NCS1: variants seen among roughly 807,000 people sequenced by gnomAD.
NCS1 encodes frequenin homolog.
A neutral mutation model predicts 28.4 loss-of-function variants in NCS1; 6 were observed. The ratio of observed to expected loss-of-function variants is 0.21; its 90% confidence interval spans 0.12 to 0.42. NCS1 has a LOEUF of 0.42. Ranked by LOEUF, NCS1 falls within the 10% of genes least tolerant of loss-of-function variation. NCS1 has a pLI of 1.00. For synonymous variants in NCS1, 86 were observed against 99.3 expected (o/e 0.87, Z 0.79); for missense variants, 131 against 241.4 (o/e 0.54, Z 3.03).
intron 1 of NCS1, among the ~76,000 whole-genome samples, chr9:130,193,630 T>G (rs1588113204): frequency 2.1e-5 from 3 of 144,658 alleles, no homozygotes; most frequent in East Asian, 2.1e-4. Flanking sequence ...TGGACGGGGG[T>G]GGGGGAGCTG....
chr9:130,197,999 C>T (rs1051685885), intron 1 of NCS1, among the ~76,000 whole-genome samples: 6 of 151,740 alleles, frequency 4.0e-5, no homozygotes, highest in South Asian at 2.1e-4. Context: ...CTCCAAGGCC[C>T]CAGGCAGTGA....
rs1316779239 is a variant in NCS1, at chr9:130,186,982, C to T, written c.65-13976C>T. The stretch of plus-strand genomic sequence containing the variant: ...GAAGTCCCTTGGCCTCTCCAAGCTT[C>T]GGTTTCCTGGTTGTGGAGTGGGGTT... On this transcript the variant is annotated intron_variant, in intron 1 of 7. Coordinates refer to ENST00000372398, the MANE Select transcript of NCS1 (RefSeq NM_014286.4). This position sits in a 1 kb window ranked among gnomAD's most constrained non-coding sequence, Gnocchi z 4.1. Among the ~76,000 whole-genome samples the T allele has an allele frequency of 6.6e-6, 1 of 152,200 alleles. No homozygotes were observed. The highest frequency in any genetic ancestry group is 2.4e-5 in the African/African-American group (1 of 41,448).
At position 130,203,046 on chromosome 9, in the gene NCS1, A is replaced by ATGTGTGTGTGTGTG. The variant is rs113946626; in HGVS notation, c.89+2086_89+2099dup. Among the ~76,000 whole-genome samples, 243 of 142,706 alleles carry ATGTGTGTGTGTGTG rather than the reference A, an allele frequency of 1.7e-3. 1 individual carries two copies. Among genetic ancestry groups the ATGTGTGTGTGTGTG allele is most frequent in the African/African-American group, 5.9e-3 (223 of 37,578 alleles). The allele number at this position is 142,706 out of a possible 152,430, so 93.6% of individuals were successfully genotyped here. On this transcript the variant is annotated intron_variant, in intron 2 of 7. Transcript: ENST00000372398. ...CTGAGCTCTTGCCTCCAGGGTAAAT[A>ATGTGTGTGTGTGTG]TGTGTGTGTGTGTGTGTGTGTGTGT...
chr9:130,222,094 G>A (rs1260252116), intron 4 of NCS1, among the ~76,000 whole-genome samples: 2 of 64,726 alleles, frequency 3.1e-5, no homozygotes, highest in African/African-American at 5.4e-5. Flanking sequence ...ATATATATGT[G>A]TGTGTGTATA....
chr9:130,205,731 G>A (rs576598961), intron 2 of NCS1, among the ~76,000 whole-genome samples: 55 of 151,640 alleles, frequency 3.6e-4, no homozygotes, highest in Non-Finnish European at 7.7e-4. Context: ...CCAGCTACTT[G>A]GCTGAGATGG....
chr9:130,224,684 A>AT (rs1554911160), intron 6 of NCS1, among the ~76,000 whole-genome samples: 1 of 152,148 alleles, frequency 6.6e-6, no homozygotes, highest in African/African-American at 2.4e-5. Context: ...GAGTGACAAA[A>AT]TAGTCTGTAC....
In NCS1 at chr9:130,192,033, G is replaced by C. The variant is rs1832822722; in HGVS notation, c.65-8925G>C. ...CTCCTGCAGCGGCTTTGCTCAGCCA[G>C]GAGTGCCCGGGAGCTCTGGGCAGCA... On this transcript the variant is annotated intron_variant, in intron 1 of 7. Coordinates refer to ENST00000372398, the MANE Select transcript of NCS1 (RefSeq NM_014286.4). This position sits in a 1 kb window ranked among gnomAD's most constrained non-coding sequence, Gnocchi z 4.8. Among the ~76,000 whole-genome samples the C allele has an allele frequency of 6.6e-6, 1 of 152,186 alleles. No homozygotes were observed. The highest frequency in any genetic ancestry group is 1.5e-5 in the Non-Finnish European group (1 of 68,038).
intron 7 of NCS1, among the ~76,000 whole-genome samples, chr9:130,227,054 A>G (rs569996615): frequency 3.3e-5 from 5 of 152,082 alleles, no homozygotes; most frequent in African/African-American, 7.2e-5. Context: ...AGAAAAAAAA[A>G]AAAAGAAAAG....
intron 4 of NCS1, among the ~76,000 whole-genome samples, chr9:130,220,753 CTTTT>C: frequency 7.0e-6 from 1 of 143,200 alleles, no homozygotes; most frequent in African/African-American, 2.5e-5. Flanking sequence ...TTCTTTCTTT[CTTTT>C]TTTTTTTTTT....
Position 130,200,445 on chromosome 9 carries a change from G to A in NCS1, c.65-513G>A. On this transcript the variant is annotated intron_variant, in intron 1 of 7. Transcript: ENST00000372398. ...AGAGCCCGGGCTGACCACAGAGAGG[G>A]GCTGCAGGGACAGGCTGACAGGGAG... 9.8e-6 allele frequency: 8 copies of A among 819,842 alleles called. No homozygotes were observed. The South Asian group carries it at 1.3e-4, about 13-fold the overall frequency. 50.8% of individuals were successfully genotyped at this position (819,842 alleles called of 1,614,324 possible). A position where few individuals can be genotyped will look rare whatever the true frequency, so the allele number is the denominator to read the frequency against.
intron 1 of NCS1, among the ~76,000 whole-genome samples, chr9:130,198,415 C>G (rs1253935689): frequency 6.6e-6 from 1 of 152,154 alleles, no homozygotes; most frequent in Non-Finnish European, 1.5e-5. Context: ...GCCATGCCAC[C>G]CAGTTCCTGC....
At position 130,202,579 on chromosome 9, in the gene NCS1, G is replaced by GT. The variant is rs11329541; in HGVS notation, c.89+1613dup. 2.0e-3 allele frequency among the ~76,000 whole-genome samples: 248 copies of GT among 122,644 alleles called. 2 individuals carry two copies. The highest frequency in any genetic ancestry group is 7.2e-3 in the African/African-American group (237 of 33,024). The allele number at this position is 122,644 out of a possible 152,430, so 80.5% of individuals were successfully genotyped here. A position where few individuals can be genotyped will look rare whatever the true frequency, so the allele number is the denominator to read the frequency against. On this transcript the variant is annotated intron_variant, in intron 2 of 7. Coordinates refer to ENST00000372398, the MANE Select transcript of NCS1 (RefSeq NM_014286.4). The stretch of plus-strand genomic sequence containing the variant: ...ATCGTCCTTGGTGCTTCAAATCCAT[G>GT]TTTTTTTTTTTTTTTTGAGTTGGAG...
At chr9:130,212,754 G>A (rs998285922) in intron 2 of NCS1, among the ~76,000 whole-genome samples, 9 of 151,916 alleles carry the variant, frequency 5.9e-5, no homozygotes, top group African/African-American at 2.2e-4. Context: ...GCATCCTGGG[G>A]ACAAAATTCT....
intron 1 of NCS1, among the ~76,000 whole-genome samples, chr9:130,182,926 G>A (rs1030079593): frequency 1.3e-5 from 2 of 152,238 alleles, no homozygotes; most frequent in Non-Finnish European, 2.9e-5. Context: ...TGGGTTTTGG[G>A]GGCATGGTGG....
chr9:130,200,682 C>T, intron 1 of NCS1: 8 of 1,549,124 alleles, frequency 5.2e-6, no homozygotes, highest in East Asian at 2.4e-5. Flanking sequence ...ACAGGGCGTT[C>T]CTGGGGGCTC....
intron 1 of NCS1, among the ~76,000 whole-genome samples, chr9:130,199,505 C>T (rs1213520369): frequency 2.6e-5 from 4 of 152,234 alleles, no homozygotes; most frequent in Admixed American, 2.6e-4. Context: ...GGCATCTAGC[C>T]TGCCCAGGAA....
chr9:130,233,412 C>G lies in NCS1; in HGVS notation c.*440C>G, dbSNP rs1833524730. The G allele has an allele frequency of 6.6e-6, 1 of 152,540 alleles. No individual in the cohort carries two copies. Among genetic ancestry groups the G allele is most frequent in the African/African-American group, 2.4e-5 (1 of 41,436 alleles). The allele number at this position is 152,540 out of a possible 1,614,324, so 9.4% of individuals were successfully genotyped here. A position where few individuals can be genotyped will look rare whatever the true frequency, so the allele number is the denominator to read the frequency against. On this transcript the variant is annotated 3_prime_UTR_variant, in exon 8 of 8. Transcript: ENST00000372398. This position sits in a 1 kb window ranked among gnomAD's most constrained non-coding sequence, Gnocchi z 4.8. ...GAAGGCCTGGGGACCTCAGAGAACT[C>G]TGCCTTGCCCTCGTCCCTCGTCCTT...
chr9:130,189,579 C>T (rs1014738509), intron 1 of NCS1, among the ~76,000 whole-genome samples: 11 of 152,074 alleles, frequency 7.2e-5, no homozygotes, highest in Non-Finnish European at 1.3e-4. Context: ...CGGTGGCTCA[C>T]GCCTGTAATC....
chr9:130,183,229 C>T (rs1482216460), intron 1 of NCS1, among the ~76,000 whole-genome samples: 2 of 152,212 alleles, frequency 1.3e-5, no homozygotes, highest in Non-Finnish European at 2.9e-5. Context: ...CTCAGGGCCG[C>T]AGTCTCTCCA....
Sources: allele counts gnomAD v4.1 joint callset (sites outside exome capture counted in the v4.1 genomes callset), GRCh38; gene constraint gnomAD v4.1.1; non-coding constraint Gnocchi (gnomAD v3.1); transcripts MANE v1.5; gene names NCBI Gene and HGNC (gene_info 2026-07-23, HGNC 2026-07-21).